The following BMP5 variants were observed in gnomAD, a reference collection of about 807,000 sequenced individuals.
The protein encoded by BMP5 is bone morphogenetic protein 5.
Under a neutral mutation model 46.6 loss-of-function variants are expected in BMP5, and 23 were observed. The ratio of observed to expected loss-of-function variants is 0.49; its 90% CI spans 0.35 to 0.70. The LOEUF is 0.70. Among genes scored for constraint, BMP5 ranks in the 30% least tolerant of loss-of-function variants. The pLI is 0.00. For synonymous variants in BMP5, 204 were observed against 191.9 expected (o/e 1.06, Z -0.52); for missense variants, 545 against 565.6 (o/e 0.96, Z 0.37).
At chr6:55,770,337 C>T (rs1252814590) in intron 4 of BMP5, among the ~76,000 whole-genome samples, 1 of 151,918 alleles carries the variant, frequency 6.6e-6, no homozygotes, top group African/African-American at 2.4e-5. Context: ...GAGACAGCTT[C>T]TTTCCTTAAA....
At chr6:55,818,212 G>T (rs922680163) in intron 2 of BMP5, among the ~76,000 whole-genome samples, 6 of 151,386 alleles carry the variant, frequency 4.0e-5, no homozygotes, top group African/African-American at 1.5e-4. Flanking sequence ...ATACAGGGTG[G>T]ATTCTAAACC....
chr6:55,816,916 A>G (rs1776285145), intron 2 of BMP5, among the ~76,000 whole-genome samples: 1 of 151,960 alleles, frequency 6.6e-6, no homozygotes, highest in African/African-American at 2.4e-5. Flanking sequence ...AAAACAAACA[A>G]CTCTATCAAC....
intron 2 of BMP5, among the ~76,000 whole-genome samples, chr6:55,800,969 G>A (rs1346807605): frequency 6.6e-6 from 1 of 152,158 alleles, no homozygotes; most frequent in Non-Finnish European, 1.5e-5. Context: ...CCACTGAAAG[G>A]TTGATCTGAG....
intron 1 of BMP5, among the ~76,000 whole-genome samples, chr6:55,851,912 A>C (rs1041220486): frequency 3.4e-4 from 51 of 152,186 alleles, no homozygotes; most frequent in African/African-American, 1.2e-3. Context: ...TTTATTGCAA[A>C]GGTATCTTGA....
chr6:55,861,976 T>C (rs1777536401), intron 1 of BMP5, among the ~76,000 whole-genome samples: 2 of 152,202 alleles, frequency 1.3e-5, no homozygotes, highest in Admixed American at 1.3e-4. Flanking sequence ...TCTATAAAAC[T>C]GAGTGACTTT....
intron 2 of BMP5, among the ~76,000 whole-genome samples, chr6:55,801,751 C>T (rs72868889): frequency 0.043 from 6,537 of 152,312 alleles, 192 homozygotes; most frequent in Non-Finnish European, 0.061. Flanking sequence ...GGAAAGGGTG[C>T]TCTGGATATG....
At chr6:55,761,837 G>A (rs750988831) in intron 4 of BMP5, among the ~76,000 whole-genome samples, 4 of 151,794 alleles carry the variant, frequency 2.6e-5, no homozygotes, top group Middle Eastern at 3.4e-3. Context: ...AAATATAAGC[G>A]TCATAGGGGC....
At chr6:55,816,700 C>T (rs1375680954) in intron 2 of BMP5, among the ~76,000 whole-genome samples, 1 of 152,084 alleles carries the variant, frequency 6.6e-6, no homozygotes, top group Non-Finnish European at 1.5e-5. Context: ...GTGAGTTCTG[C>T]TGAACTAGCA....
At chr6:55,820,469 G>C (rs907054746) in intron 1 of BMP5, among the ~76,000 whole-genome samples, 1 of 151,754 alleles carries the variant, frequency 6.6e-6, no homozygotes, top group Non-Finnish European at 1.5e-5. Context: ...CCAAGCTGGA[G>C]TGCAGTGGTA....
At chr6:55,806,450 C>A in intron 2 of BMP5, among the ~76,000 whole-genome samples, 1 of 152,148 alleles carries the variant, frequency 6.6e-6, no homozygotes, top group East Asian at 1.9e-4. Flanking sequence ...GTAGCAGTGC[C>A]ATGCTGTTTT....
chr6:55,841,333 T>C (rs1776947696), intron 1 of BMP5, among the ~76,000 whole-genome samples: 1 of 152,336 alleles, frequency 6.6e-6, no homozygotes, highest in African/African-American at 2.4e-5. Context: ...TCTTAAAAGT[T>C]ATTTTAAAAC....
chr6:55,756,669 G>C (rs968109079), intron 6 of BMP5, among the ~76,000 whole-genome samples: 1 of 151,872 alleles, frequency 6.6e-6, no homozygotes, highest in Non-Finnish European at 1.5e-5. Flanking sequence ...TGATATAGGG[G>C]CCTTGCATGT....
At chr6:55,865,721 T>C (rs1201703080) in intron 1 of BMP5, among the ~76,000 whole-genome samples, 3 of 152,214 alleles carry the variant, frequency 2.0e-5, no homozygotes, top group Non-Finnish European at 2.9e-5. Context: ...TAGTATATTC[T>C]AGTAGAAATA....
intron 2 of BMP5, among the ~76,000 whole-genome samples, chr6:55,817,767 A>C (rs1394096910): frequency 4.6e-5 from 7 of 152,068 alleles, no homozygotes; most frequent in Non-Finnish European, 8.8e-5. Flanking sequence ...AAAATAAAAT[A>C]AAATAAAAAA....
intron 3 of BMP5, among the ~76,000 whole-genome samples, chr6:55,791,080 T>C (rs2127527672): frequency 6.6e-6 from 1 of 152,326 alleles, no homozygotes; most frequent in South Asian, 2.1e-4. Flanking sequence ...TTTCAACTCC[T>C]TTTGCTTAGA....
chr6:55,865,190 G>C (rs755558701), intron 1 of BMP5, among the ~76,000 whole-genome samples: 3 of 151,840 alleles, frequency 2.0e-5, no homozygotes, highest in Non-Finnish European at 2.9e-5. Flanking sequence ...AAAGTGAGTT[G>C]ACTTATGAAA....
At chr6:55,857,194 C>CA (rs1381702532) in intron 1 of BMP5, among the ~76,000 whole-genome samples, 16 of 152,274 alleles carry the variant, frequency 1.1e-4, no homozygotes, top group African/African-American at 3.8e-4. Context: ...ACTGCTTCTT[C>CA]AGTGGCATTA....
At chr6:55,801,569 G>A (rs1393305412) in intron 2 of BMP5, among the ~76,000 whole-genome samples, 1 of 152,220 alleles carries the variant, frequency 6.6e-6, no homozygotes, top group East Asian at 1.9e-4. Flanking sequence ...AGCTTCAGAT[G>A]CAGAGCAACA....
intron 2 of BMP5, among the ~76,000 whole-genome samples, chr6:55,794,826 CAAAT>C (rs1156858240): frequency 6.6e-6 from 1 of 152,106 alleles, no homozygotes; most frequent in Non-Finnish European, 1.5e-5. Context: ...TGTGAATTCT[CAAAT>C]GAATGGAACA....
Sources: gnomAD v4.1 joint callset for allele counts (sites outside exome capture counted in the v4.1 genomes callset) on GRCh38, gnomAD v4.1.1 for gene constraint, MANE v1.5 for transcripts, NCBI Gene and HGNC (gene_info 2026-07-23, HGNC 2026-07-21) for gene names.